The following FRMPD1 variants were observed in gnomAD, a reference collection of about 807,000 sequenced individuals.
FRMPD1 encodes the protein FERM and PDZ domain containing 1.
FRMPD1 carries 76 observed loss-of-function variants against 117.8 expected under a neutral mutation model. The observed-to-expected ratio is 0.65, with a 90% CI of 0.54 to 0.78. The LOEUF (loss-of-function observed/expected upper bound fraction) is 0.78, where lower values mean the gene tolerates loss of function less well. FRMPD1 is among the 30% of genes least tolerant of loss of function. The pLI is 0.00. For synonymous variants in FRMPD1, 783 were observed against 770.4 expected, an observed-to-expected ratio of 1.02 and a Z score of -0.27; for missense variants, 1,786 against 1,964.5, an observed-to-expected ratio of 0.91 and a Z score of 1.72.
chr9:37,663,388 G>A (rs1821057651), intron 1 of FRMPD1, among the ~76,000 whole-genome samples: 1 of 152,068 alleles, frequency 6.6e-6, no homozygotes, highest in African/African-American at 2.4e-5. Flanking sequence ...AGGGGGAGGG[G>A]GCTGATCAGC....
intron 13 of FRMPD1, among the ~76,000 whole-genome samples, chr9:37,736,867 G>A (rs1824154472): frequency 7.0e-6 from 1 of 142,524 alleles, no homozygotes; most frequent in African/African-American, 2.6e-5. Flanking sequence ...GAGTGTGTGT[G>A]TGTGTGTGTG....
At chr9:37,629,475 C>T in the FRMPD1 span, among the ~76,000 whole-genome samples, 1 of 152,146 alleles carries the variant, frequency 6.6e-6, no homozygotes, top group East Asian at 1.9e-4. Flanking sequence ...GTTGCAGCCC[C>T]CAACCTTCGC....
At chr9:37,649,164 A>AC (rs1820594291), upstream of FRMPD1, among the ~76,000 whole-genome samples, 1 of 152,222 alleles carries the variant, frequency 6.6e-6, no homozygotes, top group Non-Finnish European at 1.5e-5. Context: ...TTACTTTCTG[A>AC]CAAGTGCTAT....
In FRMPD1 at chr9:37,745,030, G is replaced by T. The variant is rs1229517378; in HGVS notation, c.2998G>T (p.Ala1000Ser). The change falls in exon 16 of 16, where the codon GCC becomes TCC. Residue 1000 changes from alanine (A) to serine (S), a missense_variant. Physicochemically the swap from Ala to Ser is moderately conservative, Grantham distance 99. Transcript: ENST00000377765. ...TCTATCTCAAGACCTGGATGGGATTGCCCCCAAAGAACCAACCATAGAGCA... is the reference window on the plus strand; with the variant it reads ...TCTATCTCAAGACCTGGATGGGATTTCCCCCAAAGAACCAACCATAGAGCA... ...LPLSQDLDGIAPKEPTIEHGD... is the reference protein window; with the variant it reads ...LPLSQDLDGISPKEPTIEHGD... 5.0e-6 allele frequency: 8 copies of T among 1,614,124 alleles called. No homozygotes were observed. Among genetic ancestry groups the T allele is most frequent in the Admixed American group, 1.7e-5 (1 of 60,012 alleles).
In FRMPD1 at chr9:37,685,600, C is replaced by T. The variant is rs564006734; in HGVS notation, c.-4-7038C>T. Among the ~76,000 whole-genome samples the T allele has an allele frequency of 7.1e-3, 1,080 of 151,970 alleles. 7 individuals carry two copies. Among genetic ancestry groups the T allele is most frequent in the African/African-American group, 0.024 (1,005 of 41,450 alleles). The stretch of plus-strand genomic sequence containing the variant: ...CCATGAGGCGGAGATTGCGGTGAGC[C>T]GAGATCTTGCCACTGCACTACAGCC... On this transcript the variant is annotated intron_variant, in intron 1 of 15. Coordinates refer to ENST00000377765, the MANE Select transcript of FRMPD1 (RefSeq NM_014907.3).
chr9:37,680,459 A>G (rs1368342215), intron 1 of FRMPD1, among the ~76,000 whole-genome samples: 3 of 152,250 alleles, frequency 2.0e-5, no homozygotes, highest in Non-Finnish European at 4.4e-5. Flanking sequence ...GGATGAAGCT[A>G]AAACGAGAGG....
the FRMPD1 span, among the ~76,000 whole-genome samples, chr9:37,623,733 A>G: frequency 6.6e-6 from 1 of 152,190 alleles, no homozygotes; most frequent in Admixed American, 6.5e-5. Flanking sequence ...AGCAGGCTAT[A>G]GATAGAATTG....
chr9:37,740,744 A>C lies in FRMPD1; in HGVS notation c.2216A>C (p.Gln739Pro). Residue 739 changes from glutamine (Q) to proline (P), a missense_variant, in exon 15 of 16, where the codon CAG (glutamine) becomes CCG (proline). Gln to Pro is a moderately conservative substitution (Grantham distance 76). Coordinates refer to ENST00000377765, the MANE Select transcript of FRMPD1 (RefSeq NM_014907.3). This position sits in a 1 kb window ranked among gnomAD's most constrained non-coding sequence, Gnocchi z 4.2. The part of the protein sequence containing the change: ...RQGGAPPAWG[Q>P]QGWTEAQPSS... The stretch of plus-strand genomic sequence containing the variant: ...GGGGGAGCCCCGCCAGCCTGGGGTC[A>C]GCAGGGCTGGACTGAGGCCCAGCCC... 3.7e-6 allele frequency: 6 copies of C among 1,614,168 alleles called. No homozygotes were observed. Among genetic ancestry groups the C allele is most frequent in the Non-Finnish European group, 5.1e-6 (6 of 1,179,992 alleles).
At chr9:37,741,450 G>GACACACACACACACACACACAC (rs56971939) in intron 15 of FRMPD1, among the ~76,000 whole-genome samples, 20 of 135,738 alleles carry the variant, frequency 1.5e-4, no homozygotes, top group African/African-American at 5.6e-4. Context: ...ATCCTGGCAG[G>GACACACACACACACACACACAC]ACACACACAC....
At chr9:37,723,421 C>T (rs1288920932) in intron 6 of FRMPD1, among the ~76,000 whole-genome samples, 1 of 152,188 alleles carries the variant, frequency 6.6e-6, no homozygotes, top group Non-Finnish European at 1.5e-5. Flanking sequence ...CTTGACAAAG[C>T]ATGCCTGTGC....
At chr9:37,618,912 C>T in the FRMPD1 span, among the ~76,000 whole-genome samples, 1 of 152,220 alleles carries the variant, frequency 6.6e-6, no homozygotes. Flanking sequence ...ATGTCATCCT[C>T]TGTTGCACTT....
intron 5 of FRMPD1, among the ~76,000 whole-genome samples, chr9:37,712,843 T>C (rs985348859): frequency 3.9e-5 from 6 of 152,144 alleles, no homozygotes; most frequent in African/African-American, 1.2e-4. Context: ...AAAATATAAA[T>C]GATCCTCTGG....
At chr9:37,641,005 AG>A in the FRMPD1 span, among the ~76,000 whole-genome samples, 2 of 152,324 alleles carry the variant, frequency 1.3e-5, no homozygotes, top group African/African-American at 4.8e-5. Flanking sequence ...CTCCCGCCTC[AG>A]CTACCTGAGT....
chr9:37,740,293 G>C lies in FRMPD1; in HGVS notation c.1765G>C (p.Ala589Pro), dbSNP rs1213870172. The C allele has an allele frequency of 1.9e-6, 3 of 1,613,732 alleles. No homozygotes were observed. Among genetic ancestry groups the C allele is most frequent in the African/African-American group, 2.7e-5 (2 of 74,918 alleles). The change falls in exon 15 of 16, where the codon GCG becomes CCG. Residue 589 changes from alanine to proline, a missense_variant. Ala to Pro is a conservative substitution (Grantham distance 27). Coordinates refer to ENST00000377765, the MANE Select transcript of FRMPD1 (RefSeq NM_014907.3). The surrounding 1 kb of genome is among the most constrained non-coding windows in gnomAD (Gnocchi z 4.2). ...SSTTDSAESE[A>P]SDSANTESRG... ...CACGACAGACAGTGCCGAGTCCGAGGCGTCCGACTCAGCCAACACTGAGAG... is the reference window on the plus strand; with the variant it reads ...CACGACAGACAGTGCCGAGTCCGAGCCGTCCGACTCAGCCAACACTGAGAG...
chr9:37,739,061 C>T (rs1416189297), intron 14 of FRMPD1, among the ~76,000 whole-genome samples: 1 of 152,080 alleles, frequency 6.6e-6, no homozygotes, highest in East Asian at 1.9e-4. Context: ...GGCAGCTAGA[C>T]TACAGAGGAG....
chr9:37,740,070 T>C lies in FRMPD1; in HGVS notation c.1550-8T>C. The C allele has an allele frequency of 1.3e-6, 2 of 1,572,934 alleles. No individual in the cohort carries two copies. Among genetic ancestry groups the C allele is most frequent in the Non-Finnish European group, 8.7e-7 (1 of 1,154,262 alleles). On this transcript the variant is annotated splice_polypyrimidine_tract_variant and splice_region_variant and intron_variant, in intron 14 of 15. Coordinates refer to ENST00000377765, the MANE Select transcript of FRMPD1 (RefSeq NM_014907.3). The surrounding 1 kb of genome is among the most constrained non-coding windows in gnomAD (Gnocchi z 4.2). Reference sequence around the variant, plus strand: ...GTTGTGTAACTGTTGCTGTACCCTGTGTTGCAGGCTATGAATCCAGGGCCT... The same window carrying C: ...GTTGTGTAACTGTTGCTGTACCCTGCGTTGCAGGCTATGAATCCAGGGCCT...
chr9:37,741,742 C>T (rs1824433657), intron 15 of FRMPD1, among the ~76,000 whole-genome samples: 1 of 152,218 alleles, frequency 6.6e-6, no homozygotes, highest in African/African-American at 2.4e-5. Flanking sequence ...CTCCTGCATT[C>T]CTGCCATACA....
At chr9:37,741,176 CAG>C (rs921215116) in intron 15 of FRMPD1, among the ~76,000 whole-genome samples, 47 of 151,952 alleles carry the variant, frequency 3.1e-4, no homozygotes, top group African/African-American at 1.1e-3. Flanking sequence ...GTGGGAGGGA[CAG>C]AATTTACAAA....
At chr9:37,639,037 A>G in the FRMPD1 span, among the ~76,000 whole-genome samples, 1 of 152,246 alleles carries the variant, frequency 6.6e-6, no homozygotes, top group Admixed American at 6.5e-5. Context: ...AAACAACTTA[A>G]TAAGCATTGA....
Sources: allele counts gnomAD v4.1 joint callset (sites outside exome capture counted in the v4.1 genomes callset), GRCh38; gene constraint gnomAD v4.1.1; non-coding constraint Gnocchi (gnomAD v3.1); transcripts MANE v1.5; gene names NCBI Gene and HGNC (gene_info 2026-07-23, HGNC 2026-07-21).